Variants in ROBO2 observed in about 807,000 individuals in gnomAD.
ROBO2 encodes the protein roundabout homolog 2.
A neutral mutation model predicts 160.8 loss-of-function variants in ROBO2; 53 were observed. The observed-to-expected ratio is 0.33, with a 90% confidence interval of 0.26 to 0.41. The LOEUF is 0.41. ROBO2 is among the 10% of genes least tolerant of loss of function. The pLI, the probability that ROBO2 is intolerant of heterozygous loss-of-function variation, is 1.00. For missense variants in ROBO2, 1,577 were observed against 1,722.4 expected (o/e 0.92, Z 1.49); for synonymous variants, 664 against 611.7 (o/e 1.09, Z -1.26).
At chr3:76,176,598 A>G (rs1398135790) in intron 2 of ROBO2, among the ~76,000 whole-genome samples, 1 of 152,170 alleles carries the variant, frequency 6.6e-6, no homozygotes, top group African/African-American at 2.4e-5. Context: ...TAAGGTCTAA[A>G]CAATGGATCT....
At chr3:76,792,375 G>A (rs748238827) in intron 2 of ROBO2, among the ~76,000 whole-genome samples, 4 of 151,634 alleles carry the variant, frequency 2.6e-5, no homozygotes, top group Non-Finnish European at 4.4e-5. Context: ...TGGTATCCTC[G>A]GGGGTCCTGG....
At chr3:76,827,987 G>T (rs1016519889) in intron 2 of ROBO2, among the ~76,000 whole-genome samples, 12 of 152,220 alleles carry the variant, frequency 7.9e-5, no homozygotes, top group Admixed American at 2.6e-4. Flanking sequence ...TGAGTTAAGG[G>T]TCTTAAAATA....
intron 2 of ROBO2, among the ~76,000 whole-genome samples, chr3:77,133,194 G>A (rs142046837): frequency 6.6e-6 from 1 of 152,100 alleles, no homozygotes; most frequent in African/African-American, 2.4e-5. Context: ...GCAAAAAGCT[G>A]TTAGAGATTT....
chr3:76,643,270 C>T (rs2090794819), intron 2 of ROBO2, among the ~76,000 whole-genome samples: 1 of 151,830 alleles, frequency 6.6e-6, no homozygotes, highest in African/African-American at 2.4e-5. Context: ...GCAATTCAGC[C>T]AAAAGAAGCA....
intron 2 of ROBO2, among the ~76,000 whole-genome samples, chr3:76,135,495 C>A (rs547241565): frequency 6.6e-6 from 1 of 152,134 alleles, no homozygotes; most frequent in Non-Finnish European, 1.5e-5. Flanking sequence ...TTATGAAGAT[C>A]TTTTGGTAAT....
intron 2 of ROBO2, among the ~76,000 whole-genome samples, chr3:76,131,233 G>A (rs1040882025): frequency 6.6e-6 from 1 of 152,098 alleles, no homozygotes; most frequent in Non-Finnish European, 1.5e-5. Flanking sequence ...CAATTAGATA[G>A]CAGCATAGTC....
chr3:76,035,097 C>T (rs144173797), intron 2 of ROBO2, among the ~76,000 whole-genome samples: 1 of 152,064 alleles, frequency 6.6e-6, no homozygotes, highest in Admixed American at 6.5e-5. Flanking sequence ...AATTTCTAGA[C>T]CTTCATATGT....
chr3:77,286,859 A>G (rs774018601), intron 2 of ROBO2, among the ~76,000 whole-genome samples: 29 of 152,296 alleles, frequency 1.9e-4, no homozygotes, highest in Non-Finnish European at 3.4e-4. Context: ...AGTTTGTATA[A>G]ATTATGTTTC....
At chr3:75,930,712 C>G (rs1273882613) in intron 1 of ROBO2, among the ~76,000 whole-genome samples, 1 of 152,172 alleles carries the variant, frequency 6.6e-6, no homozygotes, top group East Asian at 1.9e-4. Context: ...CACTGCCAGC[C>G]ATGCTAGATG....
intron 2 of ROBO2, among the ~76,000 whole-genome samples, chr3:77,000,441 C>T (rs1259694091): frequency 6.6e-6 from 1 of 152,184 alleles, no homozygotes; most frequent in Admixed American, 6.5e-5. Flanking sequence ...GGCCCTGCAT[C>T]TCCTGTTAAG....
intron 2 of ROBO2, among the ~76,000 whole-genome samples, chr3:76,324,465 G>T (rs2072842689): frequency 6.6e-6 from 1 of 152,190 alleles, no homozygotes; most frequent in Non-Finnish European, 1.5e-5. Context: ...TGGAACAGTT[G>T]ATAAGGCAGA....
rs1560026150 is a variant in ROBO2, at chr3:77,108,275, T to TATATATATGTATACACATATGC, written c.388+9943_388+9944insGTATACACATATGCATATATAT. 1.3e-3 allele frequency among the ~76,000 whole-genome samples: 82 copies of TATATATATGTATACACATATGC among 61,328 alleles called. 1 individual carries two copies. The highest frequency in any genetic ancestry group is 5.6e-3 in the African/African-American group (75 of 13,360). The allele number at this position is 61,328 out of a possible 152,430, so 40.2% of individuals were successfully genotyped here. A position where few individuals can be genotyped will look rare whatever the true frequency, so the allele number is the denominator to read the frequency against. ...GCATATATATGTATACACATATGCATATATATATATGTATACACATATGCA... is the reference window on the plus strand; with the variant it reads ...GCATATATATGTATACACATATGCATATATATATGTATACACATATGCATATATATATGTATACACATATGCA... On this transcript the variant is annotated intron_variant, in intron 2 of 25. Coordinates refer to ENST00000461745, the Ensembl canonical transcript of ROBO2.
At chr3:76,860,880 C>G (rs1447013133) in intron 2 of ROBO2, among the ~76,000 whole-genome samples, 1 of 152,126 alleles carries the variant, frequency 6.6e-6, no homozygotes, top group Non-Finnish European at 1.5e-5. Flanking sequence ...TTGTTAAAAA[C>G]TGCACTTATT....
intron 2 of ROBO2, among the ~76,000 whole-genome samples, chr3:77,308,494 T>C (rs1246958473): frequency 2.0e-5 from 3 of 152,146 alleles, no homozygotes; most frequent in African/African-American, 4.8e-5. Context: ...TATATCCAAA[T>C]AGACTGATAG....
chr3:76,751,107 A>T (rs1375527350), intron 2 of ROBO2, among the ~76,000 whole-genome samples: 1 of 152,134 alleles, frequency 6.6e-6, no homozygotes, highest in Non-Finnish European at 1.5e-5. Context: ...GATATAGACC[A>T]ATGGAACAGA....
chr3:77,568,258 T>A (rs2153665964), intron 12 of ROBO2, 55 bp from the exon 14 acceptor site: 8 of 1,589,880 alleles, frequency 5.0e-6, no homozygotes, highest in Non-Finnish European at 6.9e-6. Context: ...TAAAATAAAT[T>A]GTAATTTTAA....
At chr3:76,204,771 A>G (rs1290066323) in intron 2 of ROBO2, among the ~76,000 whole-genome samples, 2 of 152,186 alleles carry the variant, frequency 1.3e-5, no homozygotes, top group Admixed American at 6.5e-5. Flanking sequence ...CAGATATCCC[A>G]TTATGTGCCA....
At chr3:76,151,845 T>C (rs1398373384) in intron 2 of ROBO2, among the ~76,000 whole-genome samples, 1 of 152,184 alleles carries the variant, frequency 6.6e-6, no homozygotes, top group African/African-American at 2.4e-5. Flanking sequence ...GAAGGAAATA[T>C]AGTTTAATGC....
intron 1 of ROBO2, among the ~76,000 whole-genome samples, chr3:75,932,545 C>T (rs1947590333): frequency 6.6e-6 from 1 of 152,182 alleles, no homozygotes; most frequent in Non-Finnish European, 1.5e-5. Flanking sequence ...CCTGACAGCA[C>T]ATTTTAGCAG....
Sources: allele counts gnomAD v4.1 joint callset (sites outside exome capture counted in the v4.1 genomes callset), GRCh38; gene constraint gnomAD v4.1.1; transcripts MANE v1.5; gene names NCBI Gene and HGNC (gene_info 2026-07-23, HGNC 2026-07-21).